GCNT2: variants seen among roughly 807,000 people sequenced by gnomAD.
The protein encoded by GCNT2 is glucosaminyl (N-acetyl) transferase 2 (I blood group), also known as N-acetyllactosaminide beta-1,6-N-acetylglucosaminyl-transferase.
Under a neutral mutation model 34.2 loss-of-function variants are expected in GCNT2, and 34 were observed. The observed-to-expected ratio is 1.00, with a 90% CI of 0.76 to 1.32. GCNT2 has a LOEUF of 1.32. Among genes scored for constraint, GCNT2 ranks in the 40% most tolerant of loss-of-function variants. GCNT2 has a pLI of 0.00. For missense variants in GCNT2, 584 were observed against 489.4 expected (o/e 1.19, Z -1.82); for synonymous variants, 212 against 188.0 (o/e 1.13, Z -1.04).
chr6:10,535,790 G>A (rs1761724379), intron 3 of GCNT2, among the ~76,000 whole-genome samples: 3 of 152,086 alleles, frequency 2.0e-5, no homozygotes, highest in Admixed American at 2.0e-4. Flanking sequence ...GAGTGCCAAG[G>A]TGTCCAAAGG....
chr6:10,576,707 T>C (rs1561812255), intron 3 of GCNT2, among the ~76,000 whole-genome samples: 1 of 151,300 alleles, frequency 6.6e-6, no homozygotes, highest in South Asian at 2.1e-4. Context: ...GACACACACA[T>C]AGAAAGAAGA....
Position 10,556,596 on chromosome 6 carries a change from T to G in GCNT2, c.925+26760T>G, listed in dbSNP as rs780577781. 3.1e-6 allele frequency: 5 copies of G among 1,614,184 alleles called. No homozygotes were observed. The South Asian group carries it at 5.5e-5, about 18-fold the overall frequency. ...TCTTTTATCAATGGAAAAACACGTT[T>G]CCTGTGGAAAAACAAACTAATGATC... On this transcript the variant is annotated intron_variant, in intron 3 of 4. Transcript: ENST00000495262.
chr6:10,552,317 T>A (rs1332710596), intron 3 of GCNT2, among the ~76,000 whole-genome samples: 2 of 150,692 alleles, frequency 1.3e-5, no homozygotes, highest in African/African-American at 4.9e-5. Context: ...AAAAAAAAAA[T>A]TTACAAACCA....
chr6:10,559,554 T>C (rs1762877728), intron 3 of GCNT2, among the ~76,000 whole-genome samples: 1 of 152,202 alleles, frequency 6.6e-6, no homozygotes. Context: ...ACACAATGCC[T>C]AGAACAATGT....
intron 1 of GCNT2, among the ~76,000 whole-genome samples, chr6:10,526,809 T>C (rs1761215529): frequency 6.6e-6 from 1 of 152,194 alleles, no homozygotes; most frequent in African/African-American, 2.4e-5. Context: ...TACGATATTA[T>C]GTCGTCTTTG....
intron 3 of GCNT2, among the ~76,000 whole-genome samples, chr6:10,599,152 T>C (rs933490581): frequency 6.6e-6 from 1 of 152,132 alleles, no homozygotes; most frequent in African/African-American, 2.4e-5. Context: ...CAGCTTCCCA[T>C]AGTACCAGAG....
intron 3 of GCNT2, among the ~76,000 whole-genome samples, chr6:10,531,089 TGAA>T (rs930239348): frequency 5.3e-5 from 8 of 151,514 alleles, no homozygotes; most frequent in African/African-American, 1.9e-4. Flanking sequence ...ATTTTATAGA[TGAA>T]GAAACTTCAA....
chr6:10,566,079 C>A (rs1763268571), intron 3 of GCNT2, among the ~76,000 whole-genome samples: 1 of 152,152 alleles, frequency 6.6e-6, no homozygotes, highest in Admixed American at 6.5e-5. Context: ...CTTGCGGATC[C>A]CTGTTCTGCC....
At chr6:10,613,574 C>T (rs563454751) in intron 3 of GCNT2, among the ~76,000 whole-genome samples, 224 of 152,112 alleles carry the variant, frequency 1.5e-3, no homozygotes, top group South Asian at 3.1e-3. Context: ...CTAGTTGTGT[C>T]CCATTAGAGG....
At chr6:10,575,691 A>C (rs1763776147) in intron 3 of GCNT2, among the ~76,000 whole-genome samples, 2 of 152,240 alleles carry the variant, frequency 1.3e-5, no homozygotes, top group Non-Finnish European at 2.9e-5. Flanking sequence ...ATGACATTCC[A>C]CCACAAAAGA....
chr6:10,524,979 AC>A (rs201675940), intron 1 of GCNT2, among the ~76,000 whole-genome samples: 3 of 151,516 alleles, frequency 2.0e-5, no homozygotes, highest in East Asian at 3.9e-4. Context: ...CCATCGGCCC[AC>A]CCCCCCGGTT....
At chr6:10,548,635 A>G (rs369356101) in intron 3 of GCNT2, among the ~76,000 whole-genome samples, 1 of 152,100 alleles carries the variant, frequency 6.6e-6, no homozygotes, top group East Asian at 1.9e-4. Context: ...AATATACAGC[A>G]TATGTTATTT....
intron 3 of GCNT2, among the ~76,000 whole-genome samples, chr6:10,568,519 C>G (rs1295792518): frequency 6.6e-6 from 1 of 152,234 alleles, no homozygotes; most frequent in Non-Finnish European, 1.5e-5. Flanking sequence ...CCGAGTCTCC[C>G]TCTTCAAACC....
Position 10,628,928 on chromosome 6 carries a change from A to AT in GCNT2, c.*2322dup, listed in dbSNP as rs886060912. On this transcript the variant is annotated 3_prime_UTR_variant, in exon 5 of 5. Coordinates refer to ENST00000495262, the MANE Select transcript of GCNT2 (RefSeq NM_145649.5). ...TCCCAGCTATTTGGCAGGCTGAGGC[A>AT]TGAGAATCGCTTGAACCCAGGAGGT... 8 of 152,552 alleles carry AT rather than the reference A, an allele frequency of 5.2e-5. No homozygotes were observed. In the East Asian group the frequency reaches 1.5e-3, roughly 29 times the overall value. The allele number at this position is 152,552 out of a possible 1,614,324, so 9.4% of individuals were successfully genotyped here.
intron 3 of GCNT2, among the ~76,000 whole-genome samples, chr6:10,543,816 T>A (rs933217835): frequency 1.3e-5 from 2 of 152,272 alleles, no homozygotes; most frequent in South Asian, 2.1e-4. Flanking sequence ...GACACTGAGA[T>A]ATGGAGTCTG....
chr6:10,538,437 A>AAAAT (rs1554127249), intron 3 of GCNT2, among the ~76,000 whole-genome samples: 70 of 73,290 alleles, frequency 9.6e-4, no homozygotes, highest in Non-Finnish European at 1.3e-3. Context: ...AAAAAAAAAA[A>AAAAT]ATATATATAT....
At chr6:10,541,001 T>C (rs947755891) in intron 3 of GCNT2, among the ~76,000 whole-genome samples, 3 of 152,146 alleles carry the variant, frequency 2.0e-5, no homozygotes, top group African/African-American at 7.2e-5. Flanking sequence ...TGAATTTGTA[T>C]ATTGTTTTTG....
chr6:10,601,624 T>A (rs1052714729), intron 3 of GCNT2, among the ~76,000 whole-genome samples: 6 of 152,232 alleles, frequency 3.9e-5, no homozygotes, highest in Admixed American at 2.6e-4. Flanking sequence ...ATAATTCTGT[T>A]TCTAAAATAT....
intron 3 of GCNT2, among the ~76,000 whole-genome samples, chr6:10,590,667 C>T (rs1432122941): frequency 6.6e-6 from 1 of 151,892 alleles, no homozygotes; most frequent in Non-Finnish European, 1.5e-5. Flanking sequence ...GATTCTCCTG[C>T]CTCAGCCTCC....
Sources: gnomAD v4.1 joint callset for allele counts (sites outside exome capture counted in the v4.1 genomes callset) on GRCh38, gnomAD v4.1.1 for gene constraint, MANE v1.5 for transcripts, NCBI Gene and HGNC (gene_info 2026-07-23, HGNC 2026-07-21) for gene names.